CEP43: variants seen among roughly 807,000 people sequenced by gnomAD.
CEP43 encodes the protein centrosomal protein 43.
Under a neutral mutation model 52.6 loss-of-function variants are expected in CEP43, and 36 were observed. The observed-to-expected ratio is 0.68, with a 90% CI of 0.52 to 0.90. The LOEUF is 0.90. Ranked by LOEUF, CEP43 falls within the 40% of genes least tolerant of loss-of-function variation. The pLI is 0.00. For synonymous variants in CEP43, 192 were observed against 172.4 expected (o/e 1.11, Z -0.89); for missense variants, 506 against 472.8 (o/e 1.07, Z -0.65).
At position 166,999,909 on chromosome 6, in the gene CEP43, T is replaced by G. The variant is rs1779692265; in HGVS notation, c.103-151T>G. On this transcript the variant is annotated intron_variant, in intron 1 of 12. Coordinates refer to ENST00000366847, the MANE Select transcript of CEP43 (RefSeq NM_007045.4). ...CGAAGCCTGGGGGTCGGAGAGCTTG[T>G]GTGACTGAGAACGTTTCGGAAGGCG... is the stretch of plus-strand genomic sequence containing the variant. 3 of 615,128 alleles carry G rather than the reference T, an allele frequency of 4.9e-6. No individual in the cohort carries two copies. The East Asian group carries it at 8.7e-5, about 18-fold the overall frequency. The allele number at this position is 615,128 out of a possible 1,614,324, so 38.1% of individuals were successfully genotyped here. A position where few individuals can be genotyped will look rare whatever the true frequency, so the allele number is the denominator to read the frequency against.
chr6:167,040,892 T>C lies in CEP43; in HGVS notation c.*914T>C. ...GCTTTATATACTGTACATAATTTCA[T>C]TGTAACCCTTAAAAATAGAGCCAAT... is the stretch of plus-strand genomic sequence containing the variant. On this transcript the variant is annotated 3_prime_UTR_variant, in exon 13 of 13. Transcript: ENST00000366847. 5.9e-6 allele frequency: 6 copies of C among 1,024,018 alleles called. No homozygotes were observed. The highest frequency in any genetic ancestry group is 5.9e-6 in the Non-Finnish European group (5 of 852,260). The allele number at this position is 1,024,018 out of a possible 1,614,324, so 63.4% of individuals were successfully genotyped here.
chr6:167,028,550 C>T, intron 10 of CEP43: 1 of 960,834 alleles, frequency 1.0e-6, no homozygotes, highest in Non-Finnish European at 1.2e-6. Context: ...ATATACAGTA[C>T]TCTAGGTATT....
At chr6:167,032,764 T>C in intron 11 of CEP43, 122 bp downstream of exon 11, 3 of 870,086 alleles carry the variant, frequency 3.4e-6, no homozygotes, top group Non-Finnish European at 4.9e-6. Flanking sequence ...GTTGTTCATA[T>C]TGATTGAAGA....
At chr6:167,022,140 G>T (rs1562529027) in intron 7 of CEP43, among the ~76,000 whole-genome samples, 1 of 152,004 alleles carries the variant, frequency 6.6e-6, no homozygotes, top group Non-Finnish European at 1.5e-5. Context: ...GAAAGGAATG[G>T]TATTAATATA....
At chr6:167,015,698 C>G (rs1296372045) in intron 7 of CEP43, among the ~76,000 whole-genome samples, 4 of 152,140 alleles carry the variant, frequency 2.6e-5, no homozygotes, top group Non-Finnish European at 5.9e-5. Context: ...GCGACAAGTA[C>G]TAGTGGCTCA....
In CEP43 at chr6:167,040,393, C is replaced by A. The variant is rs1780670852; in HGVS notation, c.*415C>A. On this transcript the variant is annotated 3_prime_UTR_variant, in exon 13 of 13. Transcript: ENST00000366847. ...TTAGCCCTCTGGAATCAGAGCTTACCCACCATAGTATATTTTGATATTAGG... is the reference window on the plus strand; with the variant it reads ...TTAGCCCTCTGGAATCAGAGCTTACACACCATAGTATATTTTGATATTAGG... The A allele has an allele frequency of 1.5e-6, 2 of 1,341,374 alleles. No individual in the cohort carries two copies. Among genetic ancestry groups the A allele is most frequent in the Non-Finnish European group, 9.5e-7 (1 of 1,047,282 alleles). The allele number at this position is 1,341,374 out of a possible 1,614,324, so 83.1% of individuals were successfully genotyped here. A position where few individuals can be genotyped will look rare whatever the true frequency, so the allele number is the denominator to read the frequency against.
At chr6:167,021,118 A>G (rs78209349) in intron 7 of CEP43, among the ~76,000 whole-genome samples, 3,290 of 151,942 alleles carry the variant, frequency 0.022, 71 homozygotes, top group Non-Finnish European at 0.03. Context: ...ATTTTGGACT[A>G]CATTCCAGAT....
At chr6:167,026,503 A>G (rs1035985260) in intron 9 of CEP43, 44 bp from the exon 10 acceptor site, 6 of 1,216,884 alleles carry the variant, frequency 4.9e-6, no homozygotes, top group Non-Finnish European at 7.3e-6. Context: ...AGAGACTGTT[A>G]TATTCTAAGT....
chr6:167,022,071 T>C (rs1007112629), intron 7 of CEP43, among the ~76,000 whole-genome samples: 6 of 152,184 alleles, frequency 3.9e-5, no homozygotes, highest in African/African-American at 1.4e-4. Context: ...TGTTTCTCAA[T>C]GGGAAAGTGT....
intron 2 of CEP43, among the ~76,000 whole-genome samples, chr6:167,001,264 C>A (rs1053213143): frequency 6.6e-6 from 1 of 152,228 alleles, no homozygotes; most frequent in Non-Finnish European, 1.5e-5. Context: ...ATCACTCTGT[C>A]TTGTGTATAC....
At position 167,044,663 on chromosome 6, in the gene CEP43, C is replaced by A; in HGVS notation, c.*4685C>A. 3.1e-6 allele frequency: 2 copies of A among 647,758 alleles called. No homozygotes were observed. The highest frequency in any genetic ancestry group is 7.8e-4 in the Middle Eastern group (1 of 1,288). The allele number at this position is 647,758 out of a possible 1,614,324, so 40.1% of individuals were successfully genotyped here. ...ATCTTGCTGCCCTTAGAAAATGAAC[C>A]CCCGAACAAGGTAAGGTCGAGCTGG... is the stretch of plus-strand genomic sequence containing the variant. On this transcript the variant is annotated 3_prime_UTR_variant, in exon 13 of 13. Coordinates refer to ENST00000366847, the MANE Select transcript of CEP43 (RefSeq NM_007045.4).
chr6:167,019,359 G>T (rs542290622), intron 7 of CEP43, among the ~76,000 whole-genome samples: 1 of 152,262 alleles, frequency 6.6e-6, no homozygotes, highest in Non-Finnish European at 1.5e-5. Flanking sequence ...CACTGAAACT[G>T]CTCTCAGCGT....
rs1780690619 is a variant in CEP43, at chr6:167,041,394, C to A, written c.*1416C>A. ...AAACTGGGCCGGTACAGCCTGGGAGCCCTGTGTATTTCTGCCCTCCGTCTG... is the reference window on the plus strand; with the variant it reads ...AAACTGGGCCGGTACAGCCTGGGAGACCTGTGTATTTCTGCCCTCCGTCTG... On this transcript the variant is annotated 3_prime_UTR_variant, in exon 13 of 13. Coordinates refer to ENST00000366847, the MANE Select transcript of CEP43 (RefSeq NM_007045.4). 9.4e-7 allele frequency: 1 copy of A among 1,061,120 alleles called. No homozygotes were observed. The highest frequency in any genetic ancestry group is 1.1e-6 in the Non-Finnish European group (1 of 876,608). The allele number at this position is 1,061,120 out of a possible 1,614,324, so 65.7% of individuals were successfully genotyped here. A position where few individuals can be genotyped will look rare whatever the true frequency, so the allele number is the denominator to read the frequency against.
Position 167,050,014 on chromosome 6 carries a change from C to T in CEP43, c.*10036C>T, listed in dbSNP as rs1780848568. The T allele has an allele frequency of 6.6e-6, 1 of 152,174 alleles. No homozygotes were observed. The highest frequency in any genetic ancestry group is 2.1e-4 in the South Asian group (1 of 4,836). The allele number at this position is 152,174 out of a possible 1,614,324, so 9.4% of individuals were successfully genotyped here. On this transcript the variant is annotated 3_prime_UTR_variant, in exon 13 of 13. Coordinates refer to ENST00000366847, the MANE Select transcript of CEP43 (RefSeq NM_007045.4). ...TTCTGCTGTTGTTGGGTAAACTGTT[C>T]TATAGATGTTGATATGGCTTCGCTG...
chr6:167,008,983 G>A (rs913818757), intron 5 of CEP43, among the ~76,000 whole-genome samples: 1 of 152,152 alleles, frequency 6.6e-6, no homozygotes, highest in Non-Finnish European at 1.5e-5. Flanking sequence ...GGCTAGACAT[G>A]GTGGCTCACA....
intron 11 of CEP43, 97 bp from the exon 12 acceptor site, chr6:167,033,778 A>G (rs1780524108): frequency 1.9e-6 from 1 of 533,060 alleles, no homozygotes; most frequent in East Asian, 3.1e-5. Context: ...TATTTTACTT[A>G]AAGGATTAAA....
intron 8 of CEP43, among the ~76,000 whole-genome samples, chr6:167,024,161 G>T (rs1780300737): frequency 6.6e-6 from 1 of 152,186 alleles, no homozygotes; most frequent in Non-Finnish European, 1.5e-5. Context: ...CTCATTGTAG[G>T]CAGGGGGTGG....
chr6:167,036,222 C>G (rs577672824), intron 12 of CEP43: 1 of 985,202 alleles, frequency 1.0e-6, no homozygotes, highest in African/African-American at 1.7e-5. Flanking sequence ...AAAGATGACT[C>G]TGACTTGGTT....
chr6:167,030,911 G>T (rs1331874056), intron 10 of CEP43, among the ~76,000 whole-genome samples: 1 of 144,396 alleles, frequency 6.9e-6, no homozygotes, highest in Admixed American at 6.8e-5. Context: ...GATCCTTATT[G>T]CAACCAACCA....
Sources: gnomAD v4.1 joint callset for allele counts (sites outside exome capture counted in the v4.1 genomes callset) on GRCh38, gnomAD v4.1.1 for gene constraint, MANE v1.5 for transcripts, NCBI Gene and HGNC (gene_info 2026-07-23, HGNC 2026-07-21) for gene names.